The following PRXL2C variants were observed in gnomAD, a reference collection of about 807,000 sequenced individuals.
The protein encoded by PRXL2C is peroxiredoxin like 2C, also known as peroxiredoxin-like 2C.
A neutral mutation model predicts 24.9 loss-of-function variants in PRXL2C; 38 were observed. The ratio of observed to expected loss-of-function variants is 1.53; its 90% confidence interval spans 1.18 to 2.00. PRXL2C has a LOEUF of 2.00. Ranked by LOEUF, PRXL2C falls within the 30% of genes most tolerant of loss-of-function variation. The pLI, the probability that PRXL2C is intolerant of heterozygous loss-of-function variation, is 0.00. For missense variants in PRXL2C, 294 were observed against 290.9 expected (o/e 1.01, Z -0.08); for synonymous variants, 98 against 117.2 (o/e 0.84, Z 1.06).
intron 4 of PRXL2C, among the ~76,000 whole-genome samples, chr9:96,648,265 A>G (rs1012872398): frequency 3.9e-5 from 6 of 152,186 alleles, no homozygotes; most frequent in Non-Finnish European, 8.8e-5. Flanking sequence ...TAGAAATTCA[A>G]CTTGAGATTC....
intron 5 of PRXL2C, among the ~76,000 whole-genome samples, chr9:96,644,481 A>G (rs1343110303): frequency 6.6e-6 from 1 of 152,110 alleles, no homozygotes; most frequent in Non-Finnish European, 1.5e-5. Flanking sequence ...TCGGACCTCA[A>G]TCCCATTCTT....
At chr9:96,655,003 C>T in intron 1 of PRXL2C, 87 bp downstream of exon 1, 2 of 1,380,304 alleles carry the variant, frequency 1.4e-6, no homozygotes, top group Admixed American at 3.3e-5. Context: ...CGTTTCCGTC[C>T]TAAGAAGCAG....
At chr9:96,645,689 C>G (rs541250515) in intron 5 of PRXL2C, among the ~76,000 whole-genome samples, 1 of 150,530 alleles carries the variant, frequency 6.6e-6, no homozygotes, top group East Asian at 2.0e-4. Flanking sequence ...CCCAGCTACT[C>G]GGGAGGCTGA....
intron 2 of PRXL2C, 47 bp downstream of exon 2, chr9:96,654,658 A>C: frequency 6.6e-7 from 1 of 1,524,854 alleles, no homozygotes; most frequent in Non-Finnish European, 8.9e-7. Flanking sequence ...CCCCGCTCGC[A>C]AGGTCTGCAG....
intron 2 of PRXL2C, among the ~76,000 whole-genome samples, chr9:96,652,652 G>A (rs367799207): frequency 8.5e-5 from 13 of 152,128 alleles, no homozygotes; most frequent in Admixed American, 6.6e-5. Context: ...TCAGTAAGAT[G>A]CAAGATAAGT....
chr9:96,646,026 T>C lies in PRXL2C; in HGVS notation c.422-2A>G, dbSNP rs148879665. 276 of 1,595,336 alleles carry C rather than the reference T, an allele frequency of 1.7e-4. No homozygotes were observed. The Middle Eastern group carries it at 2.5e-3, about 15-fold the overall frequency. On this transcript the variant is annotated splice_acceptor_variant, in intron 4 of 5. Coordinates refer to ENST00000375234, the MANE Select transcript of PRXL2C (RefSeq NM_153698.2). LOFTEE classifies it high-confidence loss of function. ...TTGATTTTATGTGGGGGCTCTGTCC[T>C]GAAATGTCGAAAATTGTCTTTAGAT...
intron 5 of PRXL2C, among the ~76,000 whole-genome samples, chr9:96,645,154 C>T (rs1466023026): frequency 1.3e-5 from 2 of 151,614 alleles, no homozygotes; most frequent in African/African-American, 4.8e-5. Flanking sequence ...CGTGATCCGC[C>T]CGCCTTGGCC....
In PRXL2C at chr9:96,645,920, G is replaced by A. The variant is rs1439316864; in HGVS notation, c.526C>T (p.Gln176Ter). 6.2e-7 allele frequency: 1 copy of A among 1,613,132 alleles called. No homozygotes were observed. Among genetic ancestry groups the A allele is most frequent in the Non-Finnish European group, 8.5e-7 (1 of 1,179,800 alleles). Residue 176 changes from glutamine (Q) to a stop codon, truncating the protein, a stop_gained, in exon 5 of 6, where the codon CAA becomes TAA. Coordinates refer to ENST00000375234, the MANE Select transcript of PRXL2C (RefSeq NM_153698.2). LOFTEE classifies it high-confidence loss of function. ...LFDFQGDPAQ[Q>*]GGTLILGPGN... Reference sequence around the variant, plus strand: ...GGACCTAAAATGAGGGTTCCACCTTGCTGAGCTGGGTCTCCTTGAAAATCA... The same window carrying A: ...GGACCTAAAATGAGGGTTCCACCTTACTGAGCTGGGTCTCCTTGAAAATCA...
intron 5 of PRXL2C, among the ~76,000 whole-genome samples, chr9:96,642,752 C>A (rs1848136465): frequency 1.3e-5 from 2 of 152,064 alleles, no homozygotes; most frequent in African/African-American, 4.8e-5. Flanking sequence ...CACCAGATGG[C>A]CAGGATGGTC....
intron 2 of PRXL2C, among the ~76,000 whole-genome samples, chr9:96,652,719 T>A (rs1288992246): frequency 6.6e-6 from 1 of 152,090 alleles, no homozygotes. Context: ...GGAATGTAAA[T>A]TAGTACAGCC....
At chr9:96,651,104 C>T (rs990582645) in intron 4 of PRXL2C, among the ~76,000 whole-genome samples, 9 of 151,976 alleles carry the variant, frequency 5.9e-5, no homozygotes, top group African/African-American at 1.7e-4. Context: ...TGGGGAAACC[C>T]TGTCTCTACT....
intron 4 of PRXL2C, among the ~76,000 whole-genome samples, chr9:96,646,849 G>C (rs535924905): frequency 3.9e-5 from 6 of 152,110 alleles, no homozygotes; most frequent in Non-Finnish European, 8.8e-5. Flanking sequence ...GGAGTGCAAT[G>C]GCGCAATCTT....
intron 4 of PRXL2C, among the ~76,000 whole-genome samples, chr9:96,651,155 G>A (rs112019645): frequency 3.3e-5 from 5 of 152,236 alleles, no homozygotes; most frequent in Middle Eastern, 3.4e-3. Flanking sequence ...GCAAGCACCT[G>A]TAATCCTAGC....
chr9:96,639,578 TTAAA>T lies in PRXL2C; in HGVS notation c.*2177_*2180del, dbSNP rs1209638737. On this transcript the variant is annotated 3_prime_UTR_variant, in exon 6 of 6. Transcript: ENST00000375234. Reference sequence around the variant, plus strand: ...GTATATAAAAAAAGCACAAAATAGTTTAAATGAGAAATTTCATTTTTATTGAATA... The same window carrying T: ...GTATATAAAAAAAGCACAAAATAGTTTGAGAAATTTCATTTTTATTGAATA... 1 of 152,226 alleles carries T rather than the reference TTAAA, an allele frequency of 6.6e-6. No homozygotes were observed. The highest frequency in any genetic ancestry group is 2.4e-5 in the African/African-American group (1 of 41,472). 9.4% of individuals were successfully genotyped at this position (152,226 alleles called of 1,614,324 possible). A position where few individuals can be genotyped will look rare whatever the true frequency, so the allele number is the denominator to read the frequency against.
At chr9:96,645,268 C>T (rs974798111) in intron 5 of PRXL2C, among the ~76,000 whole-genome samples, 3 of 151,930 alleles carry the variant, frequency 2.0e-5, no homozygotes, top group Non-Finnish European at 4.4e-5. Context: ...AAATGTTCAT[C>T]TCCACTGAAC....
At position 96,654,834 on chromosome 9, in the gene PRXL2C, A is replaced by C. The variant is rs1000362731; in HGVS notation, c.193-61T>G. ...AAGCAGCACCCTCGGGCCCCGAAGG[A>C]TCCCTGTACTTCGCCGTGCGTGACG... On this transcript the variant is annotated intron_variant, in intron 1 of 5. Coordinates refer to ENST00000375234, the MANE Select transcript of PRXL2C (RefSeq NM_153698.2). The C allele has an allele frequency of 4.7e-6, 7 of 1,480,276 alleles. No individual in the cohort carries two copies. In the Admixed American group the frequency reaches 6.1e-5, roughly 13 times the overall value. 91.7% of individuals were successfully genotyped at this position (1,480,276 alleles called of 1,614,324 possible). A position where few individuals can be genotyped will look rare whatever the true frequency, so the allele number is the denominator to read the frequency against.
chr9:96,645,064 G>A (rs1848175138), intron 5 of PRXL2C, among the ~76,000 whole-genome samples: 1 of 150,962 alleles, frequency 6.6e-6, no homozygotes, highest in African/African-American at 2.4e-5. Flanking sequence ...CCGCCACCAC[G>A]TCCGGCTAAT....
chr9:96,645,867 T>G, intron 5 of PRXL2C, 26 bp downstream of exon 5: 1 of 1,579,234 alleles, frequency 6.3e-7, no homozygotes, highest in African/African-American at 1.4e-5. Flanking sequence ...AGACGTCTAC[T>G]GCTGAACCTG....
chr9:96,646,219 C>T (rs960647881), intron 4 of PRXL2C, among the ~76,000 whole-genome samples, 195 bp from the exon 5 acceptor site: 5 of 152,120 alleles, frequency 3.3e-5, no homozygotes, highest in African/African-American at 1.2e-4. Context: ...GCCTTCTATA[C>T]CCACTAAATA....
Sources: gnomAD v4.1 joint callset for allele counts (sites outside exome capture counted in the v4.1 genomes callset) on GRCh38, gnomAD v4.1.1 for gene constraint, MANE v1.5 for transcripts, NCBI Gene and HGNC (gene_info 2026-07-23, HGNC 2026-07-21) for gene names.